The following DLG2 variants were observed in gnomAD, a reference collection of about 807,000 sequenced individuals.
The protein encoded by DLG2 is discs large MAGUK scaffold protein 2, also known as disks large homolog 2.
DLG2 carries 45 observed loss-of-function variants against 132.5 expected under a neutral mutation model. The observed-to-expected ratio is 0.34, with a 90% CI of 0.27 to 0.44. The LOEUF is 0.44. DLG2 is among the 20% of genes least tolerant of loss of function. The probability of loss-of-function intolerance (pLI) is 1.00; values close to 1 mark genes in which losing one functional copy is unlikely to be tolerated. For missense variants in DLG2, 1,045 were observed against 1,196.9 expected, an observed-to-expected ratio of 0.87 and a Z score of 1.87; for synonymous variants, 424 against 419.6, an observed-to-expected ratio of 1.01 and a Z score of -0.13.
intron 6 of DLG2, among the ~76,000 whole-genome samples, chr11:84,735,626 C>T (rs2063732714): frequency 6.6e-6 from 1 of 152,018 alleles, no homozygotes; most frequent in Non-Finnish European, 1.5e-5. Context: ...TTTTTTTCGT[C>T]TCTAACTCCT....
At chr11:83,818,590 G>A (rs368201704) in intron 17 of DLG2, among the ~76,000 whole-genome samples, 10 of 152,272 alleles carry the variant, frequency 6.6e-5, no homozygotes, top group East Asian at 1.9e-4. Flanking sequence ...TATCAAGTTC[G>A]TTGTAGACAG....
At chr11:84,236,088 G>A (rs73519752) in intron 8 of DLG2, among the ~76,000 whole-genome samples, 4,788 of 148,030 alleles carry the variant, frequency 0.032, 218 homozygotes, top group African/African-American at 0.11. Flanking sequence ...GAGAGCTTAA[G>A]TAATTTCCTC....
At chr11:84,199,440 A>G (rs2154297708) in intron 8 of DLG2, among the ~76,000 whole-genome samples, 1 of 152,308 alleles carries the variant, frequency 6.6e-6, no homozygotes, top group Admixed American at 6.5e-5. Context: ...CATGCAAAAA[A>G]GCAAGAAAAT....
At chr11:84,859,242 T>C (rs923368131) in intron 6 of DLG2, among the ~76,000 whole-genome samples, 1 of 150,434 alleles carries the variant, frequency 6.6e-6, no homozygotes, top group African/African-American at 2.4e-5. Flanking sequence ...TAGGAGGATA[T>C]GTGTATATAT....
intron 4 of DLG2, among the ~76,000 whole-genome samples, chr11:85,181,215 T>C (rs533415030): frequency 6.6e-6 from 1 of 151,570 alleles, no homozygotes; most frequent in Non-Finnish European, 1.5e-5. Context: ...TATATGTATA[T>C]GTATACGTAT....
At chr11:84,337,594 T>C (rs904140313) in intron 7 of DLG2, among the ~76,000 whole-genome samples, 1 of 152,208 alleles carries the variant, frequency 6.6e-6, no homozygotes, top group African/African-American at 2.4e-5. Flanking sequence ...ACATAATAAA[T>C]ACTCTTCTCA....
At chr11:84,294,627 C>T (rs1441110770) in intron 7 of DLG2, among the ~76,000 whole-genome samples, 1 of 152,074 alleles carries the variant, frequency 6.6e-6, no homozygotes, top group Non-Finnish European at 1.5e-5. Context: ...AAATGAAGAA[C>T]ATCTCTTGCT....
intron 6 of DLG2, among the ~76,000 whole-genome samples, chr11:85,056,678 A>G (rs2063497152): frequency 6.6e-6 from 1 of 151,948 alleles, no homozygotes; most frequent in South Asian, 2.1e-4. Context: ...GGGAAAGTAC[A>G]AAGAAAACAC....
chr11:83,626,964 C>A (rs1395633877), intron 19 of DLG2, among the ~76,000 whole-genome samples: 5 of 151,360 alleles, frequency 3.3e-5, no homozygotes, highest in African/African-American at 9.7e-5. Context: ...GTCTATCCTT[C>A]TTCCTTTGCT....
intron 3 of DLG2, among the ~76,000 whole-genome samples, chr11:85,357,658 T>C (rs1474416487): frequency 1.4e-5 from 2 of 139,268 alleles, no homozygotes; most frequent in Non-Finnish European, 3.0e-5. Flanking sequence ...ATTTGGAGGC[T>C]AATATGGCTA....
At chr11:85,386,463 AT>A (rs922997892) in intron 3 of DLG2, among the ~76,000 whole-genome samples, 7 of 151,968 alleles carry the variant, frequency 4.6e-5, no homozygotes, top group South Asian at 2.1e-4. Context: ...TGCTTTTCTG[AT>A]TTTTTTTCTG....
intron 18 of DLG2, among the ~76,000 whole-genome samples, chr11:83,781,084 T>C (rs907047187): frequency 2.0e-5 from 3 of 152,342 alleles, no homozygotes; most frequent in Non-Finnish European, 1.5e-5. Flanking sequence ...GCTTTTGGTC[T>C]GTAGACAACA....
intron 3 of DLG2, among the ~76,000 whole-genome samples, chr11:85,472,426 C>T (rs962853932): frequency 5.9e-5 from 9 of 152,210 alleles, no homozygotes; most frequent in South Asian, 2.1e-4. Flanking sequence ...CTCAGCCTCC[C>T]GAGTAGCTGG....
At chr11:83,677,032 AT>A (rs893124651) in intron 18 of DLG2, among the ~76,000 whole-genome samples, 4 of 151,898 alleles carry the variant, frequency 2.6e-5, no homozygotes, top group East Asian at 1.9e-4. Flanking sequence ...AGTATTTTGC[AT>A]TTTTTTTGAT....
chr11:83,948,035 T>C (rs1240575039), intron 14 of DLG2, among the ~76,000 whole-genome samples: 2 of 152,224 alleles, frequency 1.3e-5, no homozygotes, highest in East Asian at 1.9e-4. Context: ...ACTAGTACTA[T>C]TATAAATTCA....
chr11:85,347,842 C>G (rs1388990621), intron 3 of DLG2, among the ~76,000 whole-genome samples: 1 of 133,094 alleles, frequency 7.5e-6, no homozygotes, highest in Non-Finnish European at 1.5e-5. Context: ...CTCACTCTGT[C>G]ACCCAGGCTG....
rs540046272 is a variant in DLG2, at chr11:83,653,462, G to C, written c.1826-20137C>G. On this transcript the variant is annotated intron_variant, in intron 18 of 27. Transcript: ENST00000376104. ...TTACTATTTGTATGCATTTTTTCTT[G>C]GTCCCAAATTAAATTTATTTTGTCT... Among the ~76,000 whole-genome samples, 37 of 152,130 alleles carry C rather than the reference G, an allele frequency of 2.4e-4. 1 individual carries two copies. In the South Asian group the frequency reaches 7.1e-3, roughly 29 times the overall value.
In DLG2 at chr11:84,608,619, T is replaced by C. The variant is rs568833149; in HGVS notation, c.358-73888A>G. Among the ~76,000 whole-genome samples, 118 of 152,270 alleles carry C rather than the reference T, an allele frequency of 7.7e-4. 2 individuals carry two copies. The South Asian group carries it at 0.023, about 30-fold the overall frequency. On this transcript the variant is annotated intron_variant, in intron 6 of 27. Transcript: ENST00000376104. Reference sequence around the variant, plus strand: ...AAACAGATCTCACAGAAATATAAGATACTATGAAGCCTCAGGGCCCAGTTT... The same window carrying C: ...AAACAGATCTCACAGAAATATAAGACACTATGAAGCCTCAGGGCCCAGTTT...
At chr11:83,913,390 C>G (rs1366113243) in intron 15 of DLG2, among the ~76,000 whole-genome samples, 1 of 151,978 alleles carries the variant, frequency 6.6e-6, no homozygotes, top group African/African-American at 2.4e-5. Context: ...AAAAAACCAA[C>G]AACTCAATAC....
Sources: gnomAD v4.1 joint callset for allele counts (sites outside exome capture counted in the v4.1 genomes callset) on GRCh38, gnomAD v4.1.1 for gene constraint, MANE v1.5 for transcripts, NCBI Gene and HGNC (gene_info 2026-07-23, HGNC 2026-07-21) for gene names.